The following AGTPBP1 variants were observed in gnomAD, a reference collection of about 807,000 sequenced individuals.
AGTPBP1 encodes the protein ATP/GTP binding carboxypeptidase 1.
In AGTPBP1, 70 loss-of-function variants were observed where a neutral mutation model predicts 143.9. That is an observed-to-expected ratio of 0.49 (90% CI 0.40 to 0.59). The LOEUF (loss-of-function observed/expected upper bound fraction) is 0.59, where lower values mean the gene tolerates loss of function less well. Among genes scored for constraint, AGTPBP1 ranks in the 20% least tolerant of loss-of-function variants. AGTPBP1 has a pLI of 0.00. For missense variants in AGTPBP1, 1,229 were observed against 1,464.5 expected (o/e 0.84, Z 2.62); for synonymous variants, 463 against 500.2 (o/e 0.93, Z 0.99).
intron 1 of AGTPBP1, among the ~76,000 whole-genome samples, chr9:85,717,987 G>T (rs928636913): frequency 7.9e-5 from 12 of 152,054 alleles, no homozygotes; most frequent in African/African-American, 2.9e-4. Context: ...CTTCATCCAC[G>T]TCCCTGCAAA....
At chr9:85,787,462 A>AT in the AGTPBP1 span, among the ~76,000 whole-genome samples, 8,168 of 152,048 alleles carry the variant, frequency 0.054, 712 homozygotes, top group African/African-American at 0.18. Flanking sequence ...CAAGTCTGAT[A>AT]TTTTTTTCTA....
intron 17 of AGTPBP1, among the ~76,000 whole-genome samples, chr9:85,618,585 T>C (rs1357887738): frequency 6.6e-6 from 1 of 151,866 alleles, no homozygotes; most frequent in South Asian, 2.1e-4. Context: ...AAATCCCACT[T>C]GGGATTTGTT....
intron 25 of AGTPBP1, among the ~76,000 whole-genome samples, chr9:85,570,526 C>T (rs1246499281): frequency 1.3e-5 from 2 of 152,142 alleles, no homozygotes; most frequent in Admixed American, 6.5e-5. Context: ...CACTCTTTTT[C>T]TTCAAATGTC....
chr9:85,727,124 C>T (rs1000835812), intron 1 of AGTPBP1, among the ~76,000 whole-genome samples: 3 of 152,018 alleles, frequency 2.0e-5, no homozygotes, highest in Non-Finnish European at 4.4e-5. Context: ...GTCAGGAGTT[C>T]GAAACCAGCC....
chr9:85,711,821 C>A (rs1182820851), intron 2 of AGTPBP1, among the ~76,000 whole-genome samples: 1 of 152,116 alleles, frequency 6.6e-6, no homozygotes, highest in African/African-American at 2.4e-5. Context: ...TACTCGAATT[C>A]ACCATTTTAA....
chr9:85,683,864 C>T (rs1335346495), intron 3 of AGTPBP1, among the ~76,000 whole-genome samples: 1 of 152,002 alleles, frequency 6.6e-6, no homozygotes, highest in Non-Finnish European at 1.5e-5. Context: ...ACTTCTTATC[C>T]AGTGTGAGGT....
At chr9:85,566,132 C>A (rs951470259) in intron 25 of AGTPBP1, among the ~76,000 whole-genome samples, 34 of 152,222 alleles carry the variant, frequency 2.2e-4, no homozygotes, top group African/African-American at 8.2e-4. Flanking sequence ...CTAAAGGGCA[C>A]AGATATAGTC....
At chr9:85,688,059 C>T (rs1835600839) in intron 3 of AGTPBP1, among the ~76,000 whole-genome samples, 1 of 132,728 alleles carries the variant, frequency 7.5e-6, no homozygotes, top group African/African-American at 3.0e-5. Flanking sequence ...CATTGCACTC[C>T]AGCCTGGGCA....
At chr9:85,663,391 G>T (rs1184781091) in intron 8 of AGTPBP1, among the ~76,000 whole-genome samples, 2 of 151,984 alleles carry the variant, frequency 1.3e-5, no homozygotes, top group Non-Finnish European at 2.9e-5. Flanking sequence ...CAGTAGTGGG[G>T]AAAAATCAGT....
At chr9:85,696,062 G>A (rs1053287893) in intron 2 of AGTPBP1, among the ~76,000 whole-genome samples, 22 of 151,954 alleles carry the variant, frequency 1.4e-4, no homozygotes, top group South Asian at 4.1e-4. Context: ...GGCTGGTCTC[G>A]AACTTGTGAT....
chr9:85,679,753 A>C (rs945966672), intron 4 of AGTPBP1, among the ~76,000 whole-genome samples: 13 of 152,180 alleles, frequency 8.5e-5, no homozygotes, highest in Non-Finnish European at 1.8e-4. Flanking sequence ...TATGTAAGCC[A>C]AAATACTTTT....
chr9:85,557,257 C>T (rs1430590931), intron 25 of AGTPBP1, among the ~76,000 whole-genome samples: 1 of 152,140 alleles, frequency 6.6e-6, no homozygotes, highest in Non-Finnish European at 1.5e-5. Flanking sequence ...TGACAAGGCT[C>T]AAAGCTTTCA....
At chr9:85,638,932 G>T (rs1025362108) in intron 13 of AGTPBP1, among the ~76,000 whole-genome samples, 6 of 151,980 alleles carry the variant, frequency 3.9e-5, no homozygotes, top group African/African-American at 1.4e-4. Flanking sequence ...GGATAAAAGA[G>T]AACTTAACTT....
At chr9:85,564,668 C>T (rs972831364) in intron 25 of AGTPBP1, among the ~76,000 whole-genome samples, 2 of 152,206 alleles carry the variant, frequency 1.3e-5, no homozygotes, top group Non-Finnish European at 2.9e-5. Flanking sequence ...GAGCAATAGG[C>T]TATACCATAT....
rs1212911366 is a variant in AGTPBP1, at chr9:85,575,307, T to C, written c.3503+8A>G. On this transcript the variant is annotated splice_region_variant and intron_variant, in intron 25 of 25. Coordinates refer to ENST00000357081, the MANE Select transcript of AGTPBP1 (RefSeq NM_001330701.2). Reference sequence around the variant, plus strand: ...AATATAATAAAAGAAAAAACAATTTTTTCCTACCTAGTTACTTTGCAGCTT... The same window carrying C: ...AATATAATAAAAGAAAAAACAATTTCTTCCTACCTAGTTACTTTGCAGCTT... 2 of 1,567,336 alleles carry C rather than the reference T, an allele frequency of 1.3e-6. No homozygotes were observed. The highest frequency in any genetic ancestry group is 2.2e-5 in the Admixed American group (1 of 46,246).
the AGTPBP1 span, among the ~76,000 whole-genome samples, chr9:85,794,146 G>C: frequency 1.3e-5 from 2 of 152,086 alleles, no homozygotes; most frequent in African/African-American, 4.8e-5. Flanking sequence ...ATATAAAGCT[G>C]TTAAGAACTA....
chr9:85,680,722 T>C (rs1835116807), intron 4 of AGTPBP1, among the ~76,000 whole-genome samples: 1 of 152,170 alleles, frequency 6.6e-6, no homozygotes, highest in Non-Finnish European at 1.5e-5. Flanking sequence ...CATGAATTCA[T>C]TTCTTGTTCT....
At chr9:85,697,424 ATGGGTC>A (rs1370050205) in intron 2 of AGTPBP1, among the ~76,000 whole-genome samples, 4 of 136,804 alleles carry the variant, frequency 2.9e-5, no homozygotes, top group Non-Finnish European at 6.3e-5. Context: ...ATGATAAATT[ATGGGTC>A]TTAATTTGTT....
chr9:85,704,598 C>CA (rs913178271), intron 2 of AGTPBP1, among the ~76,000 whole-genome samples: 1 of 152,144 alleles, frequency 6.6e-6, no homozygotes, highest in Non-Finnish European at 1.5e-5. Context: ...AAGAAAGACT[C>CA]AAAAGATTCA....
Sources: gnomAD v4.1 joint callset for allele counts (sites outside exome capture counted in the v4.1 genomes callset) on GRCh38, gnomAD v4.1.1 for gene constraint, MANE v1.5 for transcripts, NCBI Gene and HGNC (gene_info 2026-07-23, HGNC 2026-07-21) for gene names.